The following CCDC171 variants were observed in gnomAD, a reference collection of about 807,000 sequenced individuals.
CCDC171 encodes coiled-coil domain containing 171, also known as coiled-coil domain-containing protein 171.
CCDC171 carries 177 observed loss-of-function variants against 168.2 expected under a neutral mutation model. The ratio of observed to expected loss-of-function variants is 1.05; its 90% confidence interval spans 0.93 to 1.19. The LOEUF is 1.19. CCDC171 is among the 50% of genes most tolerant of loss of function. CCDC171 has a pLI of 0.00. For synonymous variants in CCDC171, 687 were observed against 540.8 expected (o/e 1.27, Z -3.75); for missense variants, 1,991 against 1,539.0 (o/e 1.29, Z -4.91).
At chr9:15,559,797 C>G (rs1343813016) in intron 1 of CCDC171, among the ~76,000 whole-genome samples, 1 of 152,056 alleles carries the variant, frequency 6.6e-6, no homozygotes, top group Non-Finnish European at 1.5e-5. Context: ...TTATTTTGCT[C>G]ATTAGTTGAT....
intron 25 of CCDC171, among the ~76,000 whole-genome samples, chr9:15,929,995 G>T (rs985985218): frequency 6.6e-6 from 1 of 151,606 alleles, no homozygotes; most frequent in Non-Finnish European, 1.5e-5. Flanking sequence ...GTATTTACAT[G>T]TGTGAGTTCT....
intron 8 of CCDC171, among the ~76,000 whole-genome samples, chr9:16,036,807 A>G (rs1191760014): frequency 6.6e-6 from 1 of 151,606 alleles, no homozygotes. Flanking sequence ...GAGATGAGAT[A>G]TTGACATAAA....
chr9:16,013,558 G>T (rs1288900417), intron 3 of CCDC171, among the ~76,000 whole-genome samples: 1 of 152,182 alleles, frequency 6.6e-6, no homozygotes, highest in African/African-American at 2.4e-5. Context: ...CCAGATGCAG[G>T]CTCCAATGCC....
chr9:15,779,944 A>T (rs2135426053), intron 20 of CCDC171, among the ~76,000 whole-genome samples: 1 of 152,320 alleles, frequency 6.6e-6, no homozygotes, highest in Admixed American at 6.5e-5. Flanking sequence ...GGATATGGGA[A>T]CATAGAGTTA....
chr9:15,699,951 C>T (rs1182349809), intron 11 of CCDC171, among the ~76,000 whole-genome samples: 1 of 152,280 alleles, frequency 6.6e-6, no homozygotes, highest in Admixed American at 6.5e-5. Context: ...CTCCACGTCC[C>T]CACCAGACTC....
At position 15,626,777 on chromosome 9, in the gene CCDC171, T is replaced by C. The variant is rs183715491; in HGVS notation, c.822+3364T>C. The stretch of plus-strand genomic sequence containing the variant: ...CAGGGATATTGGTCTAAAATTCTCT[T>C]TTTTTTAGTTGTGTCTTTGCCAGGC... On this transcript the variant is annotated intron_variant, in intron 7 of 25. Coordinates refer to ENST00000380701, the MANE Select transcript of CCDC171 (RefSeq NM_173550.4). 1.5e-4 allele frequency among the ~76,000 whole-genome samples: 23 copies of C among 152,236 alleles called. No homozygotes were observed. The East Asian group carries it at 1.7e-3, about 11-fold the overall frequency.
In CCDC171 at chr9:15,663,750, C is replaced by T. The variant is rs143492382; in HGVS notation, c.916-2413C>T. Among the ~76,000 whole-genome samples the T allele has an allele frequency of 3.9e-3, 600 of 151,900 alleles. 5 individuals are homozygous for T. Among genetic ancestry groups the T allele is most frequent in the African/African-American group, 0.014 (575 of 41,422 alleles). On this transcript the variant is annotated intron_variant, in intron 8 of 25. Transcript: ENST00000380701. The stretch of plus-strand genomic sequence containing the variant: ...CCTCCTGAGTAGCTGGGACTGCAGG[C>T]GCCCGCCACCACACCTGGCTAATTT...
chr9:15,823,111 C>A (rs1297507887), intron 21 of CCDC171, among the ~76,000 whole-genome samples: 1 of 152,090 alleles, frequency 6.6e-6, no homozygotes, highest in African/African-American at 2.4e-5. Flanking sequence ...TGCATGTTCT[C>A]ACTCATAGGT....
chr9:15,862,438 T>G (rs1004079014), intron 23 of CCDC171, among the ~76,000 whole-genome samples: 26 of 151,946 alleles, frequency 1.7e-4, no homozygotes, highest in African/African-American at 6.3e-4. Context: ...ATTCTCACTT[T>G]GTTCATGTAT....
At chr9:16,105,846 A>G in the CCDC171 span, among the ~76,000 whole-genome samples, 2 of 152,214 alleles carry the variant, frequency 1.3e-5, no homozygotes, top group Non-Finnish European at 2.9e-5. Flanking sequence ...ATTTCTGGGC[A>G]TGTGTGTATG....
intron 24 of CCDC171, among the ~76,000 whole-genome samples, chr9:15,918,354 A>T (rs1824831978): frequency 6.6e-6 from 1 of 150,856 alleles, no homozygotes; most frequent in Non-Finnish European, 1.5e-5. Context: ...CATTTTATAG[A>T]GGGAGGAGAT....
chr9:15,754,926 A>G (rs994827082), intron 18 of CCDC171, among the ~76,000 whole-genome samples: 4 of 152,158 alleles, frequency 2.6e-5, no homozygotes, highest in African/African-American at 4.8e-5. Flanking sequence ...ATGAAAATAC[A>G]TTGGTTGATC....
chr9:15,865,390 G>GTGTGTA (rs914953592), intron 23 of CCDC171, among the ~76,000 whole-genome samples: 3 of 151,590 alleles, frequency 2.0e-5, no homozygotes, highest in African/African-American at 4.8e-5. Context: ...ATATTTGTGT[G>GTGTGTA]TGTGTGTATG....
At chr9:16,019,206 G>GGGCAGGGA (rs1833101566) in intron 3 of CCDC171, among the ~76,000 whole-genome samples, 1 of 152,132 alleles carries the variant, frequency 6.6e-6, no homozygotes, top group Admixed American at 6.5e-5. Flanking sequence ...CTTCTCTCCA[G>GGGCAGGGA]CTACTCCTGT....
chr9:15,625,389 C>G (rs1297308386), intron 7 of CCDC171, among the ~76,000 whole-genome samples: 2 of 152,082 alleles, frequency 1.3e-5, no homozygotes, highest in African/African-American at 4.8e-5. Context: ...GAAGTCCTTC[C>G]CCATGCCTAT....
In CCDC171 at chr9:15,823,351, G is replaced by A. The variant is rs549432008; in HGVS notation, c.3268-23351G>A. 3.1e-4 allele frequency among the ~76,000 whole-genome samples: 47 copies of A among 151,750 alleles called. No homozygotes were observed. The South Asian group carries it at 9.6e-3, about 31-fold the overall frequency. On this transcript the variant is annotated intron_variant, in intron 21 of 25. Coordinates refer to ENST00000380701, the MANE Select transcript of CCDC171 (RefSeq NM_173550.4). ...ATAATAAAATATTAAAAAAAGAAAAGGTATATTGTCTTGCCTTGCATTAAG... is the reference window on the plus strand; with the variant it reads ...ATAATAAAATATTAAAAAAAGAAAAAGTATATTGTCTTGCCTTGCATTAAG...
chr9:15,559,813 T>C (rs1331095583), intron 1 of CCDC171, among the ~76,000 whole-genome samples: 1 of 152,158 alleles, frequency 6.6e-6, no homozygotes, highest in African/African-American at 2.4e-5. Context: ...TTGATGCAGT[T>C]TTTTTCCTAG....
At chr9:15,879,569 A>T (rs534028989) in intron 24 of CCDC171, among the ~76,000 whole-genome samples, 1 of 152,090 alleles carries the variant, frequency 6.6e-6, no homozygotes, top group Admixed American at 6.5e-5. Flanking sequence ...TCTTTAACCA[A>T]CTTCTCTTGG....
chr9:15,991,189 C>T (rs1176822936), intron 3 of CCDC171, among the ~76,000 whole-genome samples: 1 of 152,172 alleles, frequency 6.6e-6, no homozygotes, highest in South Asian at 2.1e-4. Flanking sequence ...AAGCACTCCA[C>T]AGCAAATTTA....
Sources: gnomAD v4.1 joint callset for allele counts (sites outside exome capture counted in the v4.1 genomes callset) on GRCh38, gnomAD v4.1.1 for gene constraint, MANE v1.5 for transcripts, NCBI Gene and HGNC (gene_info 2026-07-23, HGNC 2026-07-21) for gene names.